CELF4: variants seen among roughly 807,000 people sequenced by gnomAD.
CELF4 encodes the protein CUGBP Elav-like family member 4, also known as CUG-BP- and ETR-3-like factor 4.
A neutral mutation model predicts 59.9 loss-of-function variants in CELF4; 18 were observed. The observed-to-expected ratio is 0.30, with a 90% CI of 0.21 to 0.45. The LOEUF is 0.45. CELF4 is among the 20% of genes least tolerant of loss of function. The pLI is 1.00. For missense variants in CELF4, 456 were observed against 689.0 expected, an observed-to-expected ratio of 0.66 and a Z score of 3.79; for synonymous variants, 261 against 267.1, an observed-to-expected ratio of 0.98 and a Z score of 0.22.
At chr18:37,278,781 C>T (rs370724800) in intron 3 of CELF4, among the ~76,000 whole-genome samples, 2 of 152,168 alleles carry the variant, frequency 1.3e-5, no homozygotes, top group African/African-American at 4.8e-5. Context: ...AGAGGAGCCA[C>T]ATCTTATGAT....
At chr18:37,476,178 T>C (rs1446356327) in intron 2 of CELF4, among the ~76,000 whole-genome samples, 1 of 152,228 alleles carries the variant, frequency 6.6e-6, no homozygotes, top group African/African-American at 2.4e-5. Flanking sequence ...TGATAGAAAT[T>C]AGGGAACTCA....
intron 2 of CELF4, among the ~76,000 whole-genome samples, chr18:37,408,120 G>A (rs1324235759): frequency 1.3e-5 from 2 of 152,160 alleles, no homozygotes; most frequent in Non-Finnish European, 2.9e-5. Context: ...TGCTAGCTCT[G>A]TCTACCTTTC....
In CELF4 at chr18:37,377,216, G is replaced by T. The variant is rs374721901; in HGVS notation, c.370-55335C>A. On this transcript the variant is annotated intron_variant, in intron 2 of 12. Coordinates refer to ENST00000420428, the MANE Select transcript of CELF4 (RefSeq NM_020180.4). Reference sequence around the variant, plus strand: ...CAGGAAGGCAGTGGTTGGGCTGGTGGAGCAGGGCTGGCAGGTGCAGGGGCT... The same window carrying T: ...CAGGAAGGCAGTGGTTGGGCTGGTGTAGCAGGGCTGGCAGGTGCAGGGGCT... Among the ~76,000 whole-genome samples the T allele has an allele frequency of 2.6e-5, 4 of 152,274 alleles. No individual in the cohort carries two copies. The South Asian group carries it at 8.3e-4, about 32-fold the overall frequency.
intron 11 of CELF4, among the ~76,000 whole-genome samples, chr18:37,258,140 T>C (rs1407854871): frequency 6.6e-6 from 1 of 152,216 alleles, no homozygotes; most frequent in Non-Finnish European, 1.5e-5. Context: ...TTCTGGATGC[T>C]TTCGAGTTTT....
intron 12 of CELF4, among the ~76,000 whole-genome samples, chr18:37,252,426 C>T (rs947639258): frequency 6.6e-6 from 1 of 151,876 alleles, no homozygotes; most frequent in Non-Finnish European, 1.5e-5. Flanking sequence ...GCAAGTTACC[C>T]ATCACTCTCC....
At chr18:37,314,990 T>C (rs892051862) in intron 3 of CELF4, among the ~76,000 whole-genome samples, 53 of 152,238 alleles carry the variant, frequency 3.5e-4, no homozygotes, top group African/African-American at 1.2e-3. Flanking sequence ...GCAGCTTCTC[T>C]ATGCAATCGG....
intron 3 of CELF4, among the ~76,000 whole-genome samples, chr18:37,312,110 CAAAAAAAAAA>C (rs59872500): frequency 7.9e-5 from 4 of 50,780 alleles, no homozygotes; most frequent in East Asian, 7.5e-4. Flanking sequence ...GATTCCGTCT[CAAAAAAAAAA>C]AAAAAAAAAA....
chr18:37,537,883 T>C (rs983211160), intron 1 of CELF4, among the ~76,000 whole-genome samples: 4 of 152,224 alleles, frequency 2.6e-5, no homozygotes, highest in African/African-American at 4.8e-5. Flanking sequence ...ACCCTCCACA[T>C]GGAAGCCGCG....
chr18:37,367,577 G>A (rs939267760), intron 2 of CELF4, among the ~76,000 whole-genome samples: 5 of 152,112 alleles, frequency 3.3e-5, no homozygotes, highest in African/African-American at 1.2e-4. Flanking sequence ...TCTGGTGTTG[G>A]GTGCCCGGAA....
At chr18:37,416,098 T>C (rs1463660304) in intron 2 of CELF4, among the ~76,000 whole-genome samples, 2 of 151,964 alleles carry the variant, frequency 1.3e-5, no homozygotes, top group Non-Finnish European at 2.9e-5. Flanking sequence ...CTCGTGCCAC[T>C]TAGAGCCCTG....
chr18:37,364,026 A>C (rs1327545004), intron 2 of CELF4, among the ~76,000 whole-genome samples: 2 of 152,204 alleles, frequency 1.3e-5, no homozygotes, highest in African/African-American at 4.8e-5. Flanking sequence ...GAGAGGCCTG[A>C]AAAAGGGATA....
intron 1 of CELF4, among the ~76,000 whole-genome samples, chr18:37,495,338 G>A (rs918201236): frequency 6.6e-6 from 1 of 152,132 alleles, no homozygotes; most frequent in Non-Finnish European, 1.5e-5. Flanking sequence ...ACTTGTTTGG[G>A]AGGGAAACCA....
chr18:37,395,871 G>A (rs528027158), intron 2 of CELF4, among the ~76,000 whole-genome samples: 1 of 152,318 alleles, frequency 6.6e-6, no homozygotes, highest in African/African-American at 2.4e-5. Flanking sequence ...CCCAGCCTGG[G>A]ATCCAAGGCC....
chr18:37,470,876 G>GAC (rs1569569546), intron 2 of CELF4, among the ~76,000 whole-genome samples: 14 of 114,952 alleles, frequency 1.2e-4, no homozygotes, highest in East Asian at 5.6e-4. Context: ...GTGTGTGTGT[G>GAC]TGTGTGTGTG....
At chr18:37,535,181 G>A (rs1251591531) in intron 1 of CELF4, among the ~76,000 whole-genome samples, 3 of 152,156 alleles carry the variant, frequency 2.0e-5, no homozygotes, top group African/African-American at 7.2e-5. Context: ...TGACTATGGA[G>A]GATTAGCTAA....
chr18:37,384,095 C>G (rs142339212), intron 2 of CELF4, among the ~76,000 whole-genome samples: 1 of 151,854 alleles, frequency 6.6e-6, no homozygotes, highest in African/African-American at 2.4e-5. Context: ...ACGCTCAATG[C>G]GGGGGTGACA....
At chr18:37,471,496 T>C (rs1218562486) in intron 2 of CELF4, among the ~76,000 whole-genome samples, 3 of 152,014 alleles carry the variant, frequency 2.0e-5, no homozygotes, top group Non-Finnish European at 4.4e-5. Context: ...CTCTCCCTCC[T>C]CCTTGCCTTT....
At chr18:37,463,990 C>T (rs1425510314) in intron 2 of CELF4, among the ~76,000 whole-genome samples, 1 of 152,164 alleles carries the variant, frequency 6.6e-6, no homozygotes, top group Non-Finnish European at 1.5e-5. Flanking sequence ...CACCTGCCAC[C>T]CGCAGACTCC....
At position 37,474,456 on chromosome 18, in the gene CELF4, C is replaced by T. The variant is rs191186977; in HGVS notation, c.369+11069G>A. Among the ~76,000 whole-genome samples the T allele has an allele frequency of 1.1e-3, 162 of 152,290 alleles. 1 individual carries two copies. Among genetic ancestry groups the T allele is most frequent in the African/African-American group, 3.2e-3 (131 of 41,568 alleles). On this transcript the variant is annotated intron_variant, in intron 2 of 12. Transcript: ENST00000420428. ...AACCTGGTGTGTGGCCTTGGGGTGA[C>T]GGGGACGGTTCCTGCCCTCATGCAG...
Sources: allele counts gnomAD v4.1 joint callset (sites outside exome capture counted in the v4.1 genomes callset), GRCh38; gene constraint gnomAD v4.1.1; transcripts MANE v1.5; gene names NCBI Gene and HGNC (gene_info 2026-07-23, HGNC 2026-07-21).